Variants in RGS7 observed in about 807,000 individuals in gnomAD.
RGS7 encodes the protein regulator of G-protein signaling 7.
RGS7 carries 27 observed loss-of-function variants against 81.1 expected under a neutral mutation model. The observed-to-expected ratio is 0.33, with a 90% CI of 0.25 to 0.46. The LOEUF is 0.46. Ranked by LOEUF, RGS7 falls within the 20% of genes least tolerant of loss-of-function variation. RGS7 has a pLI of 1.00. For missense variants in RGS7, 396 were observed against 607.4 expected (o/e 0.65, Z 3.66); for synonymous variants, 208 against 207.7 (o/e 1.00, Z -0.01).
rs959673437 is a variant in RGS7, at chr1:240,936,646, T to C, written c.287A>G (p.Asp96Gly). 2 of 1,614,034 alleles carry C rather than the reference T, an allele frequency of 1.2e-6. No individual in the cohort carries two copies. The highest frequency in any genetic ancestry group is 1.3e-5 in the African/African-American group (1 of 74,936). ...ATCATCCTTGAGTGTGAGGACATGA[T>C]CTGAGATTGGAAAGAAGTAGCCGTG... ...AAHGYFFPIS[D>G]HVLTLKDDGT... is the part of the protein sequence containing the mutation. The change falls in exon 5 of 19, where the codon GAT (aspartate) becomes GGT (glycine). Residue 96 changes from aspartate (D) to glycine (G), a missense_variant. Transcript: ENST00000440928.
Position 241,180,314 on chromosome 1 carries a change from G to T in RGS7, c.79-81552C>A, listed in dbSNP as rs2071504281. 1.3e-5 allele frequency among the ~76,000 whole-genome samples: 2 copies of T among 152,230 alleles called. 1 individual carries two copies. Among genetic ancestry groups the T allele is most frequent in the Middle Eastern group, 6.8e-3 (2 of 294 alleles). On this transcript the variant is annotated intron_variant, in intron 2 of 18. Coordinates refer to ENST00000440928, the MANE Select transcript of RGS7 (RefSeq NM_001364886.1). ...GGCGTGAACCCGGGAGGCGGAGATT[G>T]CAGTGAGCTGAGATGGCGCCACTGC... is the stretch of plus-strand genomic sequence containing the variant.
chr1:241,311,057 C>G (rs4660065), intron 2 of RGS7, among the ~76,000 whole-genome samples: 3,346 of 152,184 alleles, frequency 0.022, 61 homozygotes, highest in Non-Finnish European at 0.028. Context: ...TGATTCCTCG[C>G]TTATAAAATA....
chr1:240,958,615 TCA>T (rs1164653452), intron 4 of RGS7, among the ~76,000 whole-genome samples: 1 of 152,182 alleles, frequency 6.6e-6, no homozygotes, highest in African/African-American at 2.4e-5. Flanking sequence ...TCCTCTGAAC[TCA>T]CCCTGCCCAA....
At chr1:241,087,943 CATCT>C (rs1558697437) in intron 3 of RGS7, among the ~76,000 whole-genome samples, 1 of 106,832 alleles carries the variant, frequency 9.4e-6, no homozygotes, top group Non-Finnish European at 1.8e-5. Flanking sequence ...AGCAAGACTC[CATCT>C]CTCTCTCTCT....
At chr1:240,948,479 T>C (rs1446756210) in intron 4 of RGS7, among the ~76,000 whole-genome samples, 1 of 152,192 alleles carries the variant, frequency 6.6e-6, no homozygotes, top group Non-Finnish European at 1.5e-5. Flanking sequence ...ACGGAGTCTG[T>C]GTTGCCCAGG....
At chr1:241,193,349 T>C (rs1017722944) in intron 2 of RGS7, among the ~76,000 whole-genome samples, 6 of 152,236 alleles carry the variant, frequency 3.9e-5, no homozygotes, top group African/African-American at 1.4e-4. Context: ...GGCCTCAGAC[T>C]GTCTTTGCCA....
chr1:241,293,144 C>G (rs968888198), intron 2 of RGS7, among the ~76,000 whole-genome samples: 5 of 152,096 alleles, frequency 3.3e-5, no homozygotes, highest in African/African-American at 9.7e-5. Context: ...TATAATGGAG[C>G]TGAAAATTTC....
intron 2 of RGS7, among the ~76,000 whole-genome samples, chr1:241,169,677 C>T (rs2070581314): frequency 6.6e-6 from 1 of 152,106 alleles, no homozygotes; most frequent in Admixed American, 6.6e-5. Context: ...TAATTGAAAA[C>T]AGAATATTGC....
intron 3 of RGS7, among the ~76,000 whole-genome samples, chr1:241,080,699 GT>G (rs1327287181): frequency 1.3e-5 from 2 of 152,098 alleles, no homozygotes; most frequent in African/African-American, 4.8e-5. Flanking sequence ...TTGTTCATCT[GT>G]TGTGTATGCG....
At chr1:240,872,673 G>T (rs1031527500) in intron 6 of RGS7, among the ~76,000 whole-genome samples, 3 of 152,140 alleles carry the variant, frequency 2.0e-5, no homozygotes, top group Non-Finnish European at 4.4e-5. Flanking sequence ...TATCAGCATT[G>T]GTCAAGATGT....
intron 2 of RGS7, among the ~76,000 whole-genome samples, chr1:241,171,269 T>C (rs1450549823): frequency 6.6e-6 from 1 of 152,182 alleles, no homozygotes; most frequent in Non-Finnish European, 1.5e-5. Flanking sequence ...AATGCCAACA[T>C]ACTAAAAAAA....
At chr1:240,812,236 T>C (rs1006786978) in intron 13 of RGS7, among the ~76,000 whole-genome samples, 193 bp from the exon 14 acceptor site, 3 of 152,138 alleles carry the variant, frequency 2.0e-5, no homozygotes, top group Non-Finnish European at 2.9e-5. Flanking sequence ...AAGTCTAACA[T>C]TTATTGAGCA....
intron 2 of RGS7, among the ~76,000 whole-genome samples, chr1:241,184,923 TTGAC>T (rs955620902): frequency 1.3e-5 from 2 of 152,218 alleles, no homozygotes. Context: ...TCATAGAAGT[TTGAC>T]TGAGGAAGTA....
At chr1:241,214,549 A>G (rs1573168211) in intron 2 of RGS7, among the ~76,000 whole-genome samples, 2 of 152,046 alleles carry the variant, frequency 1.3e-5, no homozygotes, top group East Asian at 3.9e-4. Flanking sequence ...TTTAGGCCAA[A>G]TTTGGAAAAT....
chr1:241,330,333 A>G (rs2081897743), intron 2 of RGS7, among the ~76,000 whole-genome samples: 1 of 152,214 alleles, frequency 6.6e-6, no homozygotes, highest in Non-Finnish European at 1.5e-5. Context: ...TGAGGGTGAA[A>G]GGGAATATAC....
chr1:241,135,253 T>C (rs966621095), intron 2 of RGS7, among the ~76,000 whole-genome samples: 33 of 152,124 alleles, frequency 2.2e-4, no homozygotes, highest in African/African-American at 7.2e-4. Flanking sequence ...GGTGAAACCC[T>C]GTCTCTACTA....
At chr1:240,957,231 C>T (rs1208907584) in intron 4 of RGS7, among the ~76,000 whole-genome samples, 5 of 152,158 alleles carry the variant, frequency 3.3e-5, no homozygotes, top group Non-Finnish European at 5.9e-5. Flanking sequence ...CTTTCTCCCA[C>T]GCTGGATGCT....
chr1:241,141,611 C>A (rs764281167), intron 2 of RGS7, among the ~76,000 whole-genome samples: 1 of 152,122 alleles, frequency 6.6e-6, no homozygotes, highest in Non-Finnish European at 1.5e-5. Context: ...CCCTTACAGA[C>A]CATCAAATCT....
At chr1:241,206,140 C>A (rs2073867164) in intron 2 of RGS7, among the ~76,000 whole-genome samples, 1 of 152,070 alleles carries the variant, frequency 6.6e-6, no homozygotes, top group Non-Finnish European at 1.5e-5. Flanking sequence ...TTATTTCTGG[C>A]CTGAACTAAT....
Sources: allele counts gnomAD v4.1 joint callset (sites outside exome capture counted in the v4.1 genomes callset), GRCh38; gene constraint gnomAD v4.1.1; transcripts MANE v1.5; gene names NCBI Gene and HGNC (gene_info 2026-07-23, HGNC 2026-07-21).